The following CERS6 variants were observed in gnomAD, a reference collection of about 807,000 sequenced individuals.
CERS6 encodes ceramide synthase 6, also known as LAG1 homolog, ceramide synthase 6.
In CERS6, 26 loss-of-function variants were observed where a neutral mutation model predicts 56.8. The observed-to-expected ratio is 0.46, with a 90% CI of 0.34 to 0.63. CERS6 has a LOEUF of 0.63. Ranked by LOEUF, CERS6 falls within the 30% of genes least tolerant of loss-of-function variation. The probability of loss-of-function intolerance (pLI) is 0.01; values close to 1 mark genes in which losing one functional copy is unlikely to be tolerated. For missense variants in CERS6, 415 were observed against 467.5 expected (o/e 0.89, Z 1.04); for synonymous variants, 164 against 173.3 (o/e 0.95, Z 0.42).
intron 3 of CERS6, among the ~76,000 whole-genome samples, chr2:168,604,684 T>C (rs1684011073): frequency 6.6e-6 from 1 of 152,076 alleles, no homozygotes; most frequent in Non-Finnish European, 1.5e-5. Context: ...ATGGAGTATG[T>C]GGCACCTCCC....
At chr2:168,750,086 C>T (rs916339501) in intron 8 of CERS6, among the ~76,000 whole-genome samples, 1 of 152,200 alleles carries the variant, frequency 6.6e-6, no homozygotes, top group Non-Finnish European at 1.5e-5. Flanking sequence ...TGACGTGGCA[C>T]ACTGGTGCGT....
intron 9 of CERS6, 25 bp from the exon 10 acceptor site, chr2:168,769,485 A>G (rs1028450765): frequency 2.1e-5 from 33 of 1,557,514 alleles, no homozygotes; most frequent in Non-Finnish European, 2.7e-5. Flanking sequence ...GGTGCTGGTT[A>G]TACTCACCTG....
rs73969251 is a variant in CERS6, at chr2:168,570,706, G to A, written c.407+9384G>A. ...TTGAACAAATTTGAGAGTGGGAATCGAATCTACCTGGTTCATGGTCTGGCT... is the reference window on the plus strand; with the variant it reads ...TTGAACAAATTTGAGAGTGGGAATCAAATCTACCTGGTTCATGGTCTGGCT... On this transcript the variant is annotated intron_variant, in intron 3 of 9. Transcript: ENST00000305747. Among the ~76,000 whole-genome samples, 948 of 151,758 alleles carry A rather than the reference G, an allele frequency of 6.2e-3. 13 individuals carry two copies. The highest frequency in any genetic ancestry group is 0.021 in the African/African-American group (883 of 41,516).
intron 4 of CERS6, among the ~76,000 whole-genome samples, chr2:168,632,345 T>C (rs1179090294): frequency 2.6e-5 from 4 of 152,198 alleles, no homozygotes; most frequent in African/African-American, 9.7e-5. Context: ...ACATGGAAAT[T>C]TTAAATACAT....
At chr2:168,594,882 C>G (rs1310465738) in intron 3 of CERS6, among the ~76,000 whole-genome samples, 2 of 152,166 alleles carry the variant, frequency 1.3e-5, no homozygotes, top group Non-Finnish European at 2.9e-5. Context: ...GTTTTTCCCC[C>G]AGCTAGACTG....
At chr2:168,730,704 T>C (rs895115040) in intron 8 of CERS6, among the ~76,000 whole-genome samples, 2 of 152,002 alleles carry the variant, frequency 1.3e-5, no homozygotes, top group African/African-American at 4.8e-5. Context: ...AATGTAACTA[T>C]CTTAAGTACT....
rs1684910306 is a variant in CERS6 at position 168,773,196 on chromosome 2, CT to C, written c.*3536del. The C allele has an allele frequency of 6.6e-6, 1 of 152,134 alleles. No homozygotes were observed. Among genetic ancestry groups the C allele is most frequent in the Admixed American group, 6.5e-5 (1 of 15,272 alleles). The allele number at this position is 152,134 out of a possible 1,614,324, so 9.4% of individuals were successfully genotyped here. ...CATTAATAGTTGTTTTTGTCCCTTT[CT>C]TGGAAATGTTAATGCCAAAGTTGCC... On this transcript the variant is annotated 3_prime_UTR_variant, in exon 10 of 10. Coordinates refer to ENST00000305747, the MANE Select transcript of CERS6 (RefSeq NM_203463.3).
At chr2:168,558,383 T>A (rs1695720059) in intron 2 of CERS6, among the ~76,000 whole-genome samples, 1 of 152,184 alleles carries the variant, frequency 6.6e-6, no homozygotes, top group African/African-American at 2.4e-5. Context: ...AAGTAAATTA[T>A]GGTATATCTT....
At chr2:168,568,585 TA>T (rs75809073) in intron 3 of CERS6, among the ~76,000 whole-genome samples, 125,351 of 152,162 alleles carry the variant, frequency 0.82, 52,292 homozygotes, top group South Asian at 0.95. Flanking sequence ...TGTCGTATTT[TA>T]TACAGGTGCC....
chr2:168,464,172 TTTTG>T lies in CERS6; in HGVS notation c.170+7556_170+7559del, dbSNP rs1485646459. 5.1e-4 allele frequency among the ~76,000 whole-genome samples: 35 copies of T among 68,944 alleles called. No homozygotes were observed. The East Asian group carries it at 0.017, about 34-fold the overall frequency. 45.2% of individuals were successfully genotyped at this position (68,944 alleles called of 152,430 possible). On this transcript the variant is annotated intron_variant, in intron 1 of 9. Coordinates refer to ENST00000305747, the MANE Select transcript of CERS6 (RefSeq NM_203463.3). ...TTTTCTCTGGTCACATATTTATACT[TTTTG>T]TGTGTGTGTGTGTGTGTGTGTGTGT... is the stretch of plus-strand genomic sequence containing the variant.
intron 6 of CERS6, among the ~76,000 whole-genome samples, chr2:168,705,651 C>T (rs919593575): frequency 2.6e-5 from 4 of 152,138 alleles, no homozygotes; most frequent in Admixed American, 2.6e-4. Flanking sequence ...AATTGAGTCC[C>T]TGGTTACCCA....
chr2:168,648,121 G>A (rs1309231999), intron 4 of CERS6, among the ~76,000 whole-genome samples: 6 of 152,140 alleles, frequency 3.9e-5, no homozygotes. Context: ...GGTAGAATTC[G>A]GCTGTGAATC....
intron 1 of CERS6, among the ~76,000 whole-genome samples, chr2:168,486,506 G>A (rs375072575): frequency 9.9e-5 from 14 of 141,010 alleles, no homozygotes; most frequent in Admixed American, 9.9e-4. Context: ...TTTGTTAAAG[G>A]TGTCTAGATT....
At chr2:168,639,056 G>T (rs928409390) in intron 4 of CERS6, among the ~76,000 whole-genome samples, 2 of 151,888 alleles carry the variant, frequency 1.3e-5, no homozygotes, top group African/African-American at 2.4e-5. Context: ...AAAAAAGAAC[G>T]CATGTCAGAG....
chr2:168,655,014 G>A (rs907909274), intron 4 of CERS6, among the ~76,000 whole-genome samples: 2 of 152,072 alleles, frequency 1.3e-5, no homozygotes, highest in African/African-American at 4.8e-5. Context: ...TTATAAATAA[G>A]GACAGTACTT....
chr2:168,530,821 A>G (rs536245077), intron 1 of CERS6, among the ~76,000 whole-genome samples: 3 of 152,140 alleles, frequency 2.0e-5, no homozygotes, highest in South Asian at 4.1e-4. Context: ...GAAGTGATCA[A>G]CTCCTCAGAT....
At chr2:168,551,863 C>A (rs1695578928) in intron 2 of CERS6, among the ~76,000 whole-genome samples, 1 of 152,106 alleles carries the variant, frequency 6.6e-6, no homozygotes, top group Admixed American at 6.5e-5. Context: ...TATGTTGTTT[C>A]TTAACTGGTT....
At chr2:168,588,688 A>G (rs1401783906) in intron 3 of CERS6, among the ~76,000 whole-genome samples, 1 of 152,152 alleles carries the variant, frequency 6.6e-6, no homozygotes, top group African/African-American at 2.4e-5. Context: ...CTTGGCTACT[A>G]TGAATAATCC....
At chr2:168,618,875 G>T (rs1328768764) in intron 3 of CERS6, among the ~76,000 whole-genome samples, 3 of 151,980 alleles carry the variant, frequency 2.0e-5, no homozygotes, top group Admixed American at 1.3e-4. Flanking sequence ...AACTAGAAAA[G>T]CAATCCTAAA....
Sources: allele counts gnomAD v4.1 joint callset (sites outside exome capture counted in the v4.1 genomes callset), GRCh38; gene constraint gnomAD v4.1.1; transcripts MANE v1.5; gene names NCBI Gene and HGNC (gene_info 2026-07-23, HGNC 2026-07-21).